The following FHIP1A variants were observed in gnomAD, a reference collection of about 807,000 sequenced individuals.
FHIP1A encodes the protein FHF complex subunit HOOK interacting protein 1A.
Under a neutral mutation model 88.6 loss-of-function variants are expected in FHIP1A, and 61 were observed. The ratio of observed to expected loss-of-function variants is 0.69; its 90% CI spans 0.56 to 0.85. FHIP1A has a LOEUF of 0.85. Ranked by LOEUF, FHIP1A falls within the 40% of genes least tolerant of loss-of-function variation. FHIP1A has a pLI of 0.00. For missense variants in FHIP1A, 1,154 were observed against 1,273.5 expected, an observed-to-expected ratio of 0.91 and a Z score of 1.43; for synonymous variants, 478 against 496.0, an observed-to-expected ratio of 0.96 and a Z score of 0.48.
chr4:151,550,794 A>C (rs772913601), intron 3 of FHIP1A, among the ~76,000 whole-genome samples: 5 of 152,048 alleles, frequency 3.3e-5, no homozygotes, highest in African/African-American at 4.8e-5. Flanking sequence ...TGCATGCAGG[A>C]GTTTGTTAGG....
At chr4:151,612,683 C>A (rs1174724832) in intron 7 of FHIP1A, among the ~76,000 whole-genome samples, 1 of 152,106 alleles carries the variant, frequency 6.6e-6, no homozygotes, top group Non-Finnish European at 1.5e-5. Context: ...CACTCAGTCT[C>A]CCATATTAAT....
At chr4:151,453,521 G>A (rs1728867449) in intron 1 of FHIP1A, among the ~76,000 whole-genome samples, 1 of 152,162 alleles carries the variant, frequency 6.6e-6, no homozygotes, top group African/African-American at 2.4e-5. Context: ...TTAAATTCAT[G>A]TAACACATAC....
intron 4 of FHIP1A, among the ~76,000 whole-genome samples, chr4:151,566,753 A>T (rs533960688): frequency 1.3e-5 from 2 of 152,270 alleles, no homozygotes; most frequent in African/African-American, 4.8e-5. Flanking sequence ...TTTATTAAAC[A>T]TTTACCAAGT....
chr4:151,552,803 A>C (rs1732795170), intron 3 of FHIP1A, among the ~76,000 whole-genome samples: 1 of 151,070 alleles, frequency 6.6e-6, no homozygotes, highest in Non-Finnish European at 1.5e-5. Context: ...GTGCACATGT[A>C]CCCTAGAACT....
At chr4:151,621,915 T>C (rs1735761505) in intron 7 of FHIP1A, among the ~76,000 whole-genome samples, 1 of 152,184 alleles carries the variant, frequency 6.6e-6, no homozygotes, top group Non-Finnish European at 1.5e-5. Flanking sequence ...TTTCCCCTGC[T>C]GTTCAGGCAT....
At chr4:151,453,258 C>T (rs993516707) in intron 1 of FHIP1A, among the ~76,000 whole-genome samples, 14 of 152,096 alleles carry the variant, frequency 9.2e-5, no homozygotes, top group Admixed American at 2.0e-4. Flanking sequence ...TCAAGTGATC[C>T]GCCCGCCTTG....
At chr4:151,518,091 C>T (rs760411386) in intron 3 of FHIP1A, among the ~76,000 whole-genome samples, 1 of 152,196 alleles carries the variant, frequency 6.6e-6, no homozygotes, top group Non-Finnish European at 1.5e-5. Flanking sequence ...CATTCACTCA[C>T]CACTCACTGA....
chr4:151,514,487 A>G (rs1560741211), intron 3 of FHIP1A, among the ~76,000 whole-genome samples: 2 of 151,602 alleles, frequency 1.3e-5, no homozygotes, highest in South Asian at 4.2e-4. Flanking sequence ...GACACAAAAA[A>G]CCCTTCAAAA....
At chr4:151,616,280 A>G (rs2126855619) in intron 7 of FHIP1A, among the ~76,000 whole-genome samples, 1 of 152,282 alleles carries the variant, frequency 6.6e-6, no homozygotes, top group East Asian at 1.9e-4. Context: ...TGGAAGATCA[A>G]AACACCATCT....
chr4:151,485,282 G>GTTTTTTTTTTTTTTTTTTTTTTTT (rs74327398), intron 3 of FHIP1A, among the ~76,000 whole-genome samples: 8 of 118,742 alleles, frequency 6.7e-5, no homozygotes, highest in East Asian at 2.5e-4. Flanking sequence ...ATCTTTTCCA[G>GTTTTTTTTTTTTTTTTTTTTTTTT]TTTTTTTTTT....
At chr4:151,560,074 A>G (rs1290502367) in intron 3 of FHIP1A, among the ~76,000 whole-genome samples, 1 of 152,308 alleles carries the variant, frequency 6.6e-6, no homozygotes, top group East Asian at 1.9e-4. Context: ...GCTGAAAACT[A>G]CAGCCACCTC....
intron 3 of FHIP1A, among the ~76,000 whole-genome samples, chr4:151,545,102 G>T (rs985002548): frequency 6.6e-6 from 1 of 152,136 alleles, no homozygotes; most frequent in Admixed American, 6.5e-5. Context: ...AGTCCTCACT[G>T]CCCTCACTAT....
At chr4:151,472,302 A>G (rs1017594769) in intron 2 of FHIP1A, among the ~76,000 whole-genome samples, 2 of 150,098 alleles carry the variant, frequency 1.3e-5, no homozygotes, top group African/African-American at 4.9e-5. Flanking sequence ...TCAGACCATG[A>G]TTTTTTTTTT....
chr4:151,580,881 A>T (rs1156363925), intron 5 of FHIP1A, among the ~76,000 whole-genome samples: 6 of 150,436 alleles, frequency 4.0e-5, no homozygotes, highest in South Asian at 4.2e-4. Flanking sequence ...TTATTGAGAC[A>T]GAGTCTCACT....
rs1432298356 is a variant in FHIP1A at position 151,586,541 on chromosome 4, A to G, written c.733-100A>G. 7.6e-6 allele frequency: 7 copies of G among 919,004 alleles called. No homozygotes were observed. The East Asian group carries it at 1.6e-4, about 21-fold the overall frequency. The allele number at this position is 919,004 out of a possible 1,614,324, so 56.9% of individuals were successfully genotyped here. On this transcript the variant is annotated intron_variant, in intron 5 of 13. Coordinates refer to ENST00000435205, the MANE Select transcript of FHIP1A (RefSeq NM_001109977.3). ...CTTTAATACCTTGCTACTTAAAGAT[A>G]TAGTTTTGGGACCAGCAGCATTGGC...
chr4:151,461,679 G>C (rs1729146525), intron 2 of FHIP1A, among the ~76,000 whole-genome samples: 2 of 152,130 alleles, frequency 1.3e-5, no homozygotes, highest in Admixed American at 1.3e-4. Flanking sequence ...GGCTATATTA[G>C]CCTCCAGGGA....
At chr4:151,443,724 T>TGTGTGTGTGTGTGTGTGTGTGTGTGTG (rs370363970) in intron 1 of FHIP1A, among the ~76,000 whole-genome samples, 1 of 148,172 alleles carries the variant, frequency 6.7e-6, no homozygotes, top group African/African-American at 2.5e-5. Flanking sequence ...TGTGTGTGTG[T>TGTGTGTGTGTGTGTGTGTGTGTGTGTG]TTAGTACTGG....
chr4:151,510,007 G>C (rs1580648690), intron 3 of FHIP1A, among the ~76,000 whole-genome samples: 2 of 152,232 alleles, frequency 1.3e-5, no homozygotes, highest in South Asian at 2.1e-4. Flanking sequence ...AGAGATTGCT[G>C]TTCCTACTCT....
chr4:151,492,820 G>A (rs1730332310), intron 3 of FHIP1A, among the ~76,000 whole-genome samples: 1 of 152,030 alleles, frequency 6.6e-6, no homozygotes, highest in African/African-American at 2.4e-5. Flanking sequence ...AAACCTTTGG[G>A]ATACAGCAAA....
Sources: allele counts gnomAD v4.1 joint callset (sites outside exome capture counted in the v4.1 genomes callset), GRCh38; gene constraint gnomAD v4.1.1; transcripts MANE v1.5; gene names NCBI Gene and HGNC (gene_info 2026-07-23, HGNC 2026-07-21).